The following AK3 variants were observed in gnomAD, a reference collection of about 807,000 sequenced individuals.
AK3 encodes adenylate kinase 3, also known as GTP:AMP phosphotransferase AK3, mitochondrial.
A neutral mutation model predicts 23.7 loss-of-function variants in AK3; 27 were observed. That is an observed-to-expected ratio of 1.14 (90% CI 0.84 to 1.57). The LOEUF is 1.57. AK3 is among the 40% of genes most tolerant of loss of function. The probability of loss-of-function intolerance (pLI) is 0.00; values close to 1 mark genes in which losing one functional copy is unlikely to be tolerated. For synonymous variants in AK3, 159 were observed against 116.0 expected (o/e 1.37, Z -2.38); for missense variants, 406 against 285.6 (o/e 1.42, Z -3.04).
intron 4 of AK3, among the ~76,000 whole-genome samples, chr9:4,718,055 T>C (rs1841784776): frequency 6.6e-6 from 1 of 152,158 alleles, no homozygotes; most frequent in Non-Finnish European, 1.5e-5. Flanking sequence ...GTTGGCTCCA[T>C]CCGAGTGGTG....
intron 2 of AK3, among the ~76,000 whole-genome samples, chr9:4,720,841 T>C (rs375401243): frequency 6.6e-5 from 10 of 152,210 alleles, no homozygotes; most frequent in African/African-American, 2.2e-4. Context: ...ATGACAATGA[T>C]AACGACTAAA....
Position 4,724,750 on chromosome 9 carries a change from G to A in AK3, c.152-2125C>T, listed in dbSNP as rs146630495. 5.2e-3 allele frequency among the ~76,000 whole-genome samples: 778 copies of A among 150,316 alleles called. 5 individuals are homozygous for A. Among genetic ancestry groups the A allele is most frequent in the Non-Finnish European group, 6.0e-3 (410 of 67,818 alleles). On this transcript the variant is annotated intron_variant, in intron 1 of 4. Transcript: ENST00000381809. ...GCCATGATCATGCTACTGCACTCCCGCCTGGGCAACGGAGTGAGACCCTGT... is the reference window on the plus strand; with the variant it reads ...GCCATGATCATGCTACTGCACTCCCACCTGGGCAACGGAGTGAGACCCTGT...
Position 4,712,872 on chromosome 9 carries a change from T to G in AK3, c.*104A>C. On this transcript the variant is annotated 3_prime_UTR_variant, in exon 5 of 5. Transcript: ENST00000381809. ...CAGTAGAAATAAAAGTAATATAATT[T>G]TCAAAGAATTCATACATACTAGAAG... The G allele has an allele frequency of 7.8e-7, 1 of 1,286,758 alleles. No individual in the cohort carries two copies. 79.7% of individuals were successfully genotyped at this position (1,286,758 alleles called of 1,614,324 possible). A position where few individuals can be genotyped will look rare whatever the true frequency, so the allele number is the denominator to read the frequency against.
intron 1 of AK3, among the ~76,000 whole-genome samples, chr9:4,735,735 C>G (rs1053824536): frequency 1.3e-5 from 2 of 150,060 alleles, no homozygotes; most frequent in African/African-American, 4.9e-5. Context: ...TCCCAAAGTG[C>G]TGAGATTACA....
Position 4,722,486 on chromosome 9 carries a change from G to A in AK3, c.271+20C>T. 3.1e-6 allele frequency: 5 copies of A among 1,614,002 alleles called. No homozygotes were observed. Among genetic ancestry groups the A allele is most frequent in the Non-Finnish European group, 1.7e-6 (2 of 1,179,946 alleles). On this transcript the variant is annotated intron_variant, in intron 2 of 4. Coordinates refer to ENST00000381809, the MANE Select transcript of AK3 (RefSeq NM_016282.4). ...ACTGATTATTTTGGGCAGGTGAAAT[G>A]CTCATGAGACTCCACTTACCATCCA...
intron 1 of AK3, among the ~76,000 whole-genome samples, chr9:4,722,916 C>T (rs1841937790): frequency 2.0e-5 from 3 of 152,080 alleles, no homozygotes; most frequent in Admixed American, 1.3e-4. Context: ...ATTAGCCGGA[C>T]ATGATGGCGG....
intron 1 of AK3, among the ~76,000 whole-genome samples, chr9:4,731,514 G>C (rs923017059): frequency 1.3e-5 from 2 of 149,964 alleles, no homozygotes; most frequent in Non-Finnish European, 3.0e-5. Flanking sequence ...ATATCAATAA[G>C]CATTTATCCA....
rs1179364160 is a variant in AK3, at chr9:4,711,600, A to C, written c.*1376T>G. On this transcript the variant is annotated 3_prime_UTR_variant, in exon 5 of 5. Transcript: ENST00000381809. The stretch of plus-strand genomic sequence containing the variant: ...AAAAACGGAACAGATTTTTAAAGGC[A>C]ATAACGACTTGTAAGACGGCTTGTT... The C allele has an allele frequency of 6.6e-6, 1 of 152,364 alleles. No homozygotes were observed. Among genetic ancestry groups the C allele is most frequent in the Non-Finnish European group, 1.5e-5 (1 of 68,042 alleles). 9.4% of individuals were successfully genotyped at this position (152,364 alleles called of 1,614,324 possible).
At chr9:4,737,706 G>A (rs1033362191) in intron 1 of AK3, among the ~76,000 whole-genome samples, 1 of 151,168 alleles carries the variant, frequency 6.6e-6, no homozygotes, top group African/African-American at 2.5e-5. Context: ...GCGACAGAGT[G>A]GGGACTCTGT....
At chr9:4,730,631 G>A (rs941346772) in intron 1 of AK3, among the ~76,000 whole-genome samples, 5 of 151,808 alleles carry the variant, frequency 3.3e-5, no homozygotes, top group Admixed American at 3.3e-4. Context: ...ACGAAAACCA[G>A]GTATTTTGAG....
intron 1 of AK3, among the ~76,000 whole-genome samples, chr9:4,737,833 G>A (rs145769771): frequency 6.6e-4 from 101 of 152,298 alleles, no homozygotes; most frequent in South Asian, 2.1e-4. Context: ...CTTTGCTACT[G>A]TCAATGAGTT....
At chr9:4,739,473 T>G (rs1246647029) in intron 1 of AK3, among the ~76,000 whole-genome samples, 1 of 150,784 alleles carries the variant, frequency 6.6e-6, no homozygotes, top group Non-Finnish European at 1.5e-5. Flanking sequence ...GGATTACAAG[T>G]GTGAACTGGT....
intron 3 of AK3, 43 bp from the exon 4 acceptor site, chr9:4,718,580 T>C: frequency 3.6e-6 from 5 of 1,404,186 alleles, no homozygotes; most frequent in Non-Finnish European, 5.0e-6. Context: ...ATCATATTTC[T>C]GAAAGATATT....
intron 2 of AK3, 152 bp from the exon 3 acceptor site, chr9:4,719,459 G>A: frequency 1.4e-6 from 1 of 716,902 alleles, no homozygotes; most frequent in East Asian, 2.7e-5. Flanking sequence ...GCCGATCACA[G>A]CTGCGGTGCA....
intron 4 of AK3, among the ~76,000 whole-genome samples, chr9:4,713,444 A>G (rs900125911): frequency 5.9e-5 from 9 of 152,312 alleles, no homozygotes; most frequent in Admixed American, 5.9e-4. Context: ...TTACTAATAA[A>G]ATCATCCCTT....
chr9:4,739,839 G>C (rs563909335), intron 1 of AK3, among the ~76,000 whole-genome samples: 1 of 152,140 alleles, frequency 6.6e-6, no homozygotes, highest in African/African-American at 2.4e-5. Flanking sequence ...GCTGAGACAG[G>C]AGAATTGCTT....
At chr9:4,730,377 A>G (rs756144349) in intron 1 of AK3, among the ~76,000 whole-genome samples, 1 of 151,698 alleles carries the variant, frequency 6.6e-6, no homozygotes, top group Non-Finnish European at 1.5e-5. Flanking sequence ...AATAGAACAG[A>G]TGAAAAATTC....
intron 3 of AK3, among the ~76,000 whole-genome samples, chr9:4,718,808 G>A (rs1182356506): frequency 6.6e-6 from 1 of 152,130 alleles, no homozygotes; most frequent in African/African-American, 2.4e-5. Flanking sequence ...TATTCAAAAA[G>A]ATTCAGCTAT....
At chr9:4,733,264 GAACAA>G (rs887598625) in intron 1 of AK3, among the ~76,000 whole-genome samples, 2 of 151,948 alleles carry the variant, frequency 1.3e-5, no homozygotes, top group African/African-American at 4.8e-5. Context: ...AAATGTGTCA[GAACAA>G]AACAAAACTA....
Sources: allele counts gnomAD v4.1 joint callset (sites outside exome capture counted in the v4.1 genomes callset), GRCh38; gene constraint gnomAD v4.1.1; transcripts MANE v1.5; gene names NCBI Gene and HGNC (gene_info 2026-07-23, HGNC 2026-07-21).